Variants in FREM2 observed in about 807,000 individuals in gnomAD.
FREM2 encodes FRAS1-related extracellular matrix protein 2.
FREM2 carries 119 observed loss-of-function variants against 219.9 expected under a neutral mutation model. That is an observed-to-expected ratio of 0.54 (90% confidence interval 0.47 to 0.63). The LOEUF (loss-of-function observed/expected upper bound fraction) is 0.63. FREM2 is among the 30% of genes least tolerant of loss of function. FREM2 has a pLI of 0.00. For synonymous variants in FREM2, 1,562 were observed against 1,522.8 expected, an observed-to-expected ratio of 1.03 and a Z score of -0.60; for missense variants, 4,030 against 3,993.6, an observed-to-expected ratio of 1.01 and a Z score of -0.25.
intron 6 of FREM2, among the ~76,000 whole-genome samples, chr13:38,830,115 A>G (rs1413644108): frequency 6.6e-6 from 1 of 152,176 alleles, no homozygotes; most frequent in Non-Finnish European, 1.5e-5. Flanking sequence ...GTGTTGATAT[A>G]TAGATTTTCT....
chr13:38,716,180 A>G (rs1204983014), intron 2 of FREM2, among the ~76,000 whole-genome samples: 1 of 152,182 alleles, frequency 6.6e-6, no homozygotes, highest in African/African-American at 2.4e-5. Context: ...TCAACTATTT[A>G]GAAGCTTTCT....
chr13:38,729,437 A>C (rs1424801089), intron 2 of FREM2, among the ~76,000 whole-genome samples: 1 of 152,206 alleles, frequency 6.6e-6, no homozygotes, highest in Non-Finnish European at 1.5e-5. Context: ...ATACTAGCAT[A>C]TGATCTTCAT....
Position 38,690,704 on chromosome 13 carries a change from A to T in FREM2, c.3360A>T (p.Pro1120=). The change falls in exon 1 of 24, where the codon CCA becomes CCT. Residue 1120 remains proline (P), a synonymous_variant. Coordinates refer to ENST00000280481, the MANE Select transcript of FREM2 (RefSeq NM_207361.6). The part of the protein sequence containing the change: ...PTSGYVENIS[P]APGSEKSRAG... ...CAGGTTATGTTGAAAACATTTCTCC[A>T]GCACCAGGCTCTGAGAAATCAAGAG... 2 of 1,614,084 alleles carry T rather than the reference A, an allele frequency of 1.2e-6. No homozygotes were observed. Among genetic ancestry groups the T allele is most frequent in the Non-Finnish European group, 1.7e-6 (2 of 1,180,032 alleles).
chr13:38,864,769 G>A (rs551843176), intron 16 of FREM2, 163 bp downstream of exon 16: 336 of 692,352 alleles, frequency 4.9e-4, no homozygotes, highest in Non-Finnish European at 7.7e-4. Context: ...GTGAAAATCC[G>A]TGTCTATTTC....
intron 2 of FREM2, among the ~76,000 whole-genome samples, chr13:38,736,989 G>T (rs777536187): frequency 6.6e-6 from 1 of 151,544 alleles, no homozygotes; most frequent in Non-Finnish European, 1.5e-5. Context: ...CTACTTAAAC[G>T]AATTTCTCCA....
At position 38,721,319 on chromosome 13, in the gene FREM2, G is replaced by A. The variant is rs150612822; in HGVS notation, c.5263+23532G>A. Among the ~76,000 whole-genome samples, 1,421 of 152,244 alleles carry A rather than the reference G, an allele frequency of 9.3e-3. 20 individuals are homozygous for A. The highest frequency in any genetic ancestry group is 0.032 in the African/African-American group (1,340 of 41,542). On this transcript the variant is annotated intron_variant, in intron 2 of 23. Transcript: ENST00000280481. Reference sequence around the variant, plus strand: ...GATGTAAACTGACAAGACATTAGAGGCAGGACAGTAGTAGAGAACATAGGT... The same window carrying A: ...GATGTAAACTGACAAGACATTAGAGACAGGACAGTAGTAGAGAACATAGGT...
chr13:38,715,741 C>G (rs947977078), intron 2 of FREM2, among the ~76,000 whole-genome samples: 1 of 151,882 alleles, frequency 6.6e-6, no homozygotes, highest in South Asian at 2.1e-4. Flanking sequence ...ATCATTCTAT[C>G]AGAGAATGAT....
chr13:38,783,878 C>T (rs145466935), intron 5 of FREM2, among the ~76,000 whole-genome samples: 2,700 of 152,266 alleles, frequency 0.018, 77 homozygotes, highest in African/African-American at 0.06. Flanking sequence ...GGGTGGATCA[C>T]GAGATCAGGA....
chr13:38,769,860 A>G (rs1222216439), intron 4 of FREM2, 52 bp downstream of exon 4: 12 of 1,325,888 alleles, frequency 9.1e-6, no homozygotes, highest in Non-Finnish European at 9.8e-6. Flanking sequence ...CTGCTATGAC[A>G]AAATACCTTG....
rs778361178 is a variant in FREM2, at chr13:38,691,416, A to G, written c.4072A>G (p.Thr1358Ala). 3 of 1,614,170 alleles carry G rather than the reference A, an allele frequency of 1.9e-6. No individual in the cohort carries two copies. Among genetic ancestry groups the G allele is most frequent in the African/African-American group, 1.3e-5 (1 of 75,036 alleles). Reference sequence around the variant, plus strand: ...TGGCTTATTACAGAGACGAAAACCTACTGGTGCCTTTGAAAATATCACACT... The same window carrying G: ...TGGCTTATTACAGAGACGAAAACCTGCTGGTGCCTTTGAAAATATCACACT... Reference protein sequence around the residue: ...GHGLLQRRKPTGAFENITLGM... With the variant: ...GHGLLQRRKPAGAFENITLGM... Residue 1358 changes from threonine to alanine, a missense_variant, in exon 1 of 24, where the codon ACT becomes GCT. By Grantham distance (58) the Thr-to-Ala change is moderately conservative. Around this residue, in one of 2 missense-constraint regions of FREM2, gnomAD observed 3,102 missense variants for 2,950.7 expected, o/e 1.05. Coordinates refer to ENST00000280481, the MANE Select transcript of FREM2 (RefSeq NM_207361.6).
chr13:38,800,224 A>G (rs909844278), intron 6 of FREM2, among the ~76,000 whole-genome samples: 1 of 152,058 alleles, frequency 6.6e-6, no homozygotes, highest in Non-Finnish European at 1.5e-5. Flanking sequence ...GATCCCTTGA[A>G]CATTTCTTGT....
chr13:38,703,654 A>G (rs1418092693), intron 2 of FREM2, among the ~76,000 whole-genome samples: 5 of 152,218 alleles, frequency 3.3e-5, no homozygotes, highest in Admixed American at 2.6e-4. Context: ...ATAGAAAAGT[A>G]TAAACTCAAG....
At chr13:38,860,863 C>T (rs542099755) in intron 14 of FREM2, among the ~76,000 whole-genome samples, 16 of 152,234 alleles carry the variant, frequency 1.1e-4, no homozygotes, top group African/African-American at 3.6e-4. Context: ...ATGTATAATA[C>T]ACATACTGTA....
chr13:38,795,398 A>G (rs1874730723), intron 6 of FREM2, among the ~76,000 whole-genome samples: 1 of 150,844 alleles, frequency 6.6e-6, no homozygotes, highest in Admixed American at 6.7e-5. Flanking sequence ...CCAAACAACT[A>G]TTCCCTGACT....
Position 38,881,293 on chromosome 13 carries a change from A to G in FREM2, c.*506A>G, listed in dbSNP as rs764957445. On this transcript the variant is annotated 3_prime_UTR_variant, in exon 24 of 24. Transcript: ENST00000280481. ...AAGTTTTCAAATAGGTGAAGACAGC[A>G]TAGAATTATGACCAGGGTGGCTCAA... 10 of 183,410 alleles carry G rather than the reference A, an allele frequency of 5.5e-5. No homozygotes were observed. Among genetic ancestry groups the G allele is most frequent in the African/African-American group, 9.5e-5 (4 of 42,002 alleles). The allele number at this position is 183,410 out of a possible 1,614,324, so 11.4% of individuals were successfully genotyped here. A position where few individuals can be genotyped will look rare whatever the true frequency, so the allele number is the denominator to read the frequency against.
chr13:38,687,746 C>A lies in FREM2; in HGVS notation c.402C>A (p.Gly134=), dbSNP rs1228488081. 1.3e-6 allele frequency: 2 copies of A among 1,543,954 alleles called. No homozygotes were observed. Among genetic ancestry groups the A allele is most frequent in the Non-Finnish European group, 1.8e-6 (2 of 1,142,544 alleles). ...PKRFPCDFGP[G]EVRYSHLGAR... is the part of the protein sequence containing the mutation. ...GCTTCCCGTGCGACTTTGGCCCTGG[C>A]GAGGTGCGCTACTCTCACCTGGGCG... Residue 134 remains glycine, a synonymous_variant, in exon 1 of 24, where the codon GGC becomes GGA. Transcript: ENST00000280481.
intron 11 of FREM2, 81 bp from the exon 12 acceptor site, chr13:38,856,045 T>TAAAAAAAAAA (rs34182165): frequency 1.7e-5 from 10 of 602,268 alleles, no homozygotes; most frequent in Non-Finnish European, 2.4e-5. Context: ...TAGGCCACAG[T>TAAAAAAAAAA]AAAAAAAAAA....
intron 2 of FREM2, among the ~76,000 whole-genome samples, chr13:38,749,756 T>C (rs1326233112): frequency 2.0e-5 from 3 of 152,176 alleles, no homozygotes; most frequent in African/African-American, 7.2e-5. Flanking sequence ...GGCAAAATTA[T>C]TGCCCCTTCT....
chr13:38,885,038 G>A lies in FREM2; in HGVS notation c.*4251G>A, dbSNP rs1272273257. 6 of 152,080 alleles carry A rather than the reference G, an allele frequency of 3.9e-5. No homozygotes were observed. The highest frequency in any genetic ancestry group is 1.4e-4 in the African/African-American group (6 of 41,412). 9.4% of individuals were successfully genotyped at this position (152,080 alleles called of 1,614,324 possible). A position where few individuals can be genotyped will look rare whatever the true frequency, so the allele number is the denominator to read the frequency against. ...ATTGTTAAGGAAACATTATATATAG[G>A]TTCAAATTATCCCTTAATGTTGATT... On this transcript the variant is annotated 3_prime_UTR_variant, in exon 24 of 24. Transcript: ENST00000280481.
Sources: allele counts gnomAD v4.1 joint callset (sites outside exome capture counted in the v4.1 genomes callset), GRCh38; gene constraint gnomAD v4.1.1; regional missense constraint gnomAD v4.1.1; transcripts MANE v1.5; gene names NCBI Gene and HGNC (gene_info 2026-07-23, HGNC 2026-07-21).